Variants in ARID1B observed in about 807,000 individuals in gnomAD.
The protein encoded by ARID1B is AT-rich interactive domain-containing protein 1B.
ARID1B carries 30 observed loss-of-function variants against 212.3 expected under a neutral mutation model. That is an observed-to-expected ratio of 0.14 (90% confidence interval 0.11 to 0.19). The LOEUF is 0.19. Ranked by LOEUF, ARID1B falls within the 10% of genes least tolerant of loss-of-function variation. The pLI is 1.00. For synonymous variants in ARID1B, 1,402 were observed against 1,301.7 expected, an observed-to-expected ratio of 1.08 and a Z score of -1.66; for missense variants, 2,891 against 3,204.0, an observed-to-expected ratio of 0.90 and a Z score of 2.36.
At chr6:156,837,482 G>A (rs1019080626) in intron 2 of ARID1B, among the ~76,000 whole-genome samples, 1 of 152,050 alleles carries the variant, frequency 6.6e-6, no homozygotes, top group African/African-American at 2.4e-5. Context: ...AGGCTAGATG[G>A]CTTTGTTTTT....
At chr6:157,036,884 G>A (rs1424492179) in intron 4 of ARID1B, 1 of 499,372 alleles carries the variant, frequency 2.0e-6, no homozygotes. Flanking sequence ...AAGGTGTGTA[G>A]TCTGGTGTAG....
rs554662128 is a variant in ARID1B, at chr6:156,875,794, A to G, written c.1987-25582A>G. Among the ~76,000 whole-genome samples the G allele has an allele frequency of 1.8e-4, 27 of 152,270 alleles. 1 individual carries two copies. The highest frequency in any genetic ancestry group is 6.3e-4 in the African/African-American group (26 of 41,546). On this transcript the variant is annotated intron_variant, in intron 2 of 19. Coordinates refer to ENST00000636930, the MANE Select transcript of ARID1B (RefSeq NM_001374828.1). ...GTTGTGCTGTTGTTTAATATTATAGAGGTTTTACTGCAACTCTCTTGGTGA... is the reference window on the plus strand; with the variant it reads ...GTTGTGCTGTTGTTTAATATTATAGGGGTTTTACTGCAACTCTCTTGGTGA...
chr6:157,167,240 T>C, intron 9 of ARID1B, 55 bp downstream of exon 9: 1 of 1,558,924 alleles, frequency 6.4e-7, no homozygotes, highest in Non-Finnish European at 8.6e-7. Flanking sequence ...CTCCTCCTCT[T>C]AGGCTCCACC....
chr6:156,908,641 TA>T (rs930258488), intron 3 of ARID1B, among the ~76,000 whole-genome samples: 11 of 152,178 alleles, frequency 7.2e-5, no homozygotes, highest in African/African-American at 2.4e-4. Context: ...AATATGAGAC[TA>T]AAATTTTTTC....
chr6:156,825,499 A>C (rs1332989436), intron 1 of ARID1B, among the ~76,000 whole-genome samples: 1 of 152,244 alleles, frequency 6.6e-6, no homozygotes, highest in African/African-American at 2.4e-5. Context: ...GGACTGTGAG[A>C]GTTGATGGCA....
intron 3 of ARID1B, among the ~76,000 whole-genome samples, chr6:156,906,776 C>A (rs1789430062): frequency 6.6e-6 from 1 of 152,132 alleles, no homozygotes; most frequent in Non-Finnish European, 1.5e-5. Context: ...GGATAGCTTT[C>A]CATCTCTCCA....
intron 2 of ARID1B, among the ~76,000 whole-genome samples, chr6:156,880,472 T>C (rs1786957263): frequency 6.6e-6 from 1 of 152,102 alleles, no homozygotes. Flanking sequence ...GCACAGTGGC[T>C]CACGCCTGTA....
intron 1 of ARID1B, among the ~76,000 whole-genome samples, chr6:156,813,066 A>G (rs1583086950): frequency 6.9e-6 from 1 of 145,046 alleles, no homozygotes. Flanking sequence ...ATATACATAT[A>G]TATATACACA....
chr6:156,831,733 G>C (rs1271334174), intron 2 of ARID1B, among the ~76,000 whole-genome samples: 2 of 151,998 alleles, frequency 1.3e-5, no homozygotes, highest in Non-Finnish European at 2.9e-5. Flanking sequence ...TTATTTGAAG[G>C]GACAAATTGA....
intron 4 of ARID1B, among the ~76,000 whole-genome samples, chr6:156,983,301 A>C (rs1258739013): frequency 6.6e-6 from 1 of 152,100 alleles, no homozygotes; most frequent in African/African-American, 2.4e-5. Flanking sequence ...AGGCTGAGAC[A>C]GGAGAATCGC....
Position 157,201,514 on chromosome 6 carries a change from G to T in ARID1B, c.5263+26G>T. ...GTAAGAATTCCAAAGCTTTCATTCT[G>T]AAATGAATTCCAGTTGCAGTGTAGA... On this transcript the variant is annotated intron_variant, in intron 18 of 19. Coordinates refer to ENST00000636930, the MANE Select transcript of ARID1B (RefSeq NM_001374828.1). The surrounding 1 kb of genome is among the most constrained non-coding windows in gnomAD (Gnocchi z 5.2). 6.7e-7 allele frequency: 1 copy of T among 1,490,582 alleles called. No individual in the cohort carries two copies. Among genetic ancestry groups the T allele is most frequent in the South Asian group, 1.4e-5 (1 of 70,042 alleles). 92.3% of individuals were successfully genotyped at this position (1,490,582 alleles called of 1,614,324 possible).
intron 6 of ARID1B, among the ~76,000 whole-genome samples, chr6:157,118,006 A>G (rs1787442749): frequency 6.6e-6 from 1 of 152,164 alleles, no homozygotes; most frequent in South Asian, 2.1e-4. Context: ...CGTGCTCTTT[A>G]TGACCCAGGG....
intron 3 of ARID1B, among the ~76,000 whole-genome samples, chr6:156,913,715 C>G (rs1291243822): frequency 6.7e-6 from 1 of 148,686 alleles, no homozygotes; most frequent in Non-Finnish European, 1.5e-5. Context: ...CCGTGAGCCA[C>G]CATCCTACTA....
intron 1 of ARID1B, among the ~76,000 whole-genome samples, chr6:156,811,867 G>T (rs1020667285): frequency 1.3e-5 from 2 of 152,080 alleles, no homozygotes; most frequent in African/African-American, 2.4e-5. Context: ...TATCTCAAGG[G>T]ATATCAGTTG....
At chr6:157,125,465 A>C (rs1236738102) in intron 6 of ARID1B, among the ~76,000 whole-genome samples, 1 of 152,196 alleles carries the variant, frequency 6.6e-6, no homozygotes, top group Admixed American at 6.5e-5. Context: ...TGAATGCAGG[A>C]ACTTTAGTTT....
chr6:156,910,731 G>A (rs1016773739), intron 3 of ARID1B, among the ~76,000 whole-genome samples: 1 of 152,026 alleles, frequency 6.6e-6, no homozygotes, highest in African/African-American at 2.4e-5. Context: ...GTAGTTTCAT[G>A]TTTTCTAGTT....
chr6:157,116,659 A>G (rs1446057725), intron 6 of ARID1B, among the ~76,000 whole-genome samples: 1 of 151,772 alleles, frequency 6.6e-6, no homozygotes, highest in African/African-American at 2.4e-5. Flanking sequence ...GCCACGAGGA[A>G]ATGTATTCTG....
At chr6:157,191,024 C>T (rs569263933) in intron 15 of ARID1B, among the ~76,000 whole-genome samples, 5 of 151,940 alleles carry the variant, frequency 3.3e-5, no homozygotes, top group Non-Finnish European at 7.4e-5. Flanking sequence ...CAAAGCCTTT[C>T]GGTGTCTGTG....
chr6:157,147,573 A>C (rs977261980), intron 7 of ARID1B, among the ~76,000 whole-genome samples: 1 of 21,882 alleles, frequency 4.6e-5, no homozygotes, highest in Non-Finnish European at 8.0e-5. Flanking sequence ...TCCGTCCCTC[A>C]CCTCCGCCTC....
Sources: allele counts gnomAD v4.1 joint callset (sites outside exome capture counted in the v4.1 genomes callset), GRCh38; gene constraint gnomAD v4.1.1; non-coding constraint Gnocchi (gnomAD v3.1); transcripts MANE v1.5; gene names NCBI Gene and HGNC (gene_info 2026-07-23, HGNC 2026-07-21).